Variants in CRACR2A observed in about 807,000 individuals in gnomAD.
CRACR2A encodes the protein calcium release activated channel regulator 2A, also known as EF-hand calcium-binding domain-containing protein 4B.
Under a neutral mutation model 90.5 loss-of-function variants are expected in CRACR2A, and 79 were observed. The ratio of observed to expected loss-of-function variants is 0.87; its 90% CI spans 0.73 to 1.05. The LOEUF (loss-of-function observed/expected upper bound fraction) is 1.05, where lower values mean the gene tolerates loss of function less well. Ranked by LOEUF, CRACR2A falls within the 50% of genes least tolerant of loss-of-function variation. The pLI, the probability that CRACR2A is intolerant of heterozygous loss-of-function variation, is 0.00. For missense variants in CRACR2A, 823 were observed against 897.2 expected (o/e 0.92, Z 1.06); for synonymous variants, 338 against 356.7 (o/e 0.95, Z 0.59).
chr12:3,649,561 T>C (rs933661889), intron 10 of CRACR2A, among the ~76,000 whole-genome samples: 3 of 152,202 alleles, frequency 2.0e-5, no homozygotes, highest in South Asian at 2.1e-4. Flanking sequence ...ATGTATCTAT[T>C]ATAATCATTG....
intron 17 of CRACR2A, among the ~76,000 whole-genome samples, chr12:3,626,018 G>T (rs903201275): frequency 6.6e-6 from 1 of 152,210 alleles, no homozygotes. Flanking sequence ...TTAGTTTGGT[G>T]TACAGGCAAT....
chr12:3,648,636 G>A (rs1944737332), intron 10 of CRACR2A, 23 bp from the exon 11 acceptor site: 2 of 1,602,576 alleles, frequency 1.2e-6, no homozygotes, highest in African/African-American at 1.3e-5. Flanking sequence ...CAAACACATG[G>A]CAGTGAGCTC....
intron 1 of CRACR2A, among the ~76,000 whole-genome samples, chr12:3,750,055 C>T (rs1278042262): frequency 6.6e-6 from 1 of 151,920 alleles, no homozygotes; most frequent in Non-Finnish European, 1.5e-5. Flanking sequence ...TCCTGCTTGG[C>T]CTCCTGAATA....
At chr12:3,652,220 T>G (rs989097638) in intron 10 of CRACR2A, among the ~76,000 whole-genome samples, 3 of 152,208 alleles carry the variant, frequency 2.0e-5, no homozygotes, top group Admixed American at 2.0e-4. Flanking sequence ...TTCCATTTGC[T>G]GTTCTAATGC....
At chr12:3,742,482 C>T (rs1946543416) in intron 1 of CRACR2A, among the ~76,000 whole-genome samples, 1 of 152,138 alleles carries the variant, frequency 6.6e-6, no homozygotes, top group Non-Finnish European at 1.5e-5. Context: ...TATTTGACAA[C>T]ATCCCCGTCT....
At chr12:3,739,027 T>C (rs1946486564) in intron 1 of CRACR2A, among the ~76,000 whole-genome samples, 1 of 137,812 alleles carries the variant, frequency 7.3e-6, no homozygotes, top group Admixed American at 7.6e-5. Flanking sequence ...AATAAAGACA[T>C]TATCTGACAA....
intron 2 of CRACR2A, among the ~76,000 whole-genome samples, chr12:3,721,476 C>A (rs1162928338): frequency 6.6e-6 from 1 of 151,440 alleles, no homozygotes; most frequent in African/African-American, 2.4e-5. Flanking sequence ...TGCCTGTAGT[C>A]CTAGCTACTT....
At chr12:3,706,470 A>T (rs1945923408) in intron 3 of CRACR2A, among the ~76,000 whole-genome samples, 1 of 152,196 alleles carries the variant, frequency 6.6e-6, no homozygotes, top group African/African-American at 2.4e-5. Flanking sequence ...GCTGTGGTGG[A>T]TAAGAACATA....
At chr12:3,665,781 T>C (rs12422895) in intron 7 of CRACR2A, among the ~76,000 whole-genome samples, 25,781 of 152,132 alleles carry the variant, frequency 0.17, 2,636 homozygotes, top group East Asian at 0.41. Flanking sequence ...CGAGGCTCAA[T>C]AGAGAAGACT....
At chr12:3,739,506 C>T (rs16930743) in intron 1 of CRACR2A, among the ~76,000 whole-genome samples, 23,885 of 152,090 alleles carry the variant, frequency 0.16, 2,071 homozygotes, top group African/African-American at 0.2. Context: ...CGAATGACTC[C>T]CTTTGCTTCA....
intron 2 of CRACR2A, among the ~76,000 whole-genome samples, chr12:3,719,340 G>A (rs1487109287): frequency 1.3e-5 from 2 of 152,110 alleles, no homozygotes; most frequent in South Asian, 2.1e-4. Flanking sequence ...CTTGGGCCTC[G>A]GGCTCCTCTT....
chr12:3,640,855 C>T, intron 13 of CRACR2A: 1 of 1,287,388 alleles, frequency 7.8e-7, no homozygotes, highest in Non-Finnish European at 1.0e-6. Flanking sequence ...AATGAGCCAA[C>T]CCTTGGGTAC....
In CRACR2A at chr12:3,633,896, G is replaced by T. The variant is rs1480172452; in HGVS notation, c.1603-160C>A. On this transcript the variant is annotated intron_variant, in intron 14 of 19. Transcript: ENST00000440314. The surrounding 1 kb of genome is among the most constrained non-coding windows in gnomAD (Gnocchi z 4.5). ...GGCTGCCACAGCCTCAGAATGCAGT[G>T]AGCATAGTCGGTCTTGGGGCATGGA... is the stretch of plus-strand genomic sequence containing the variant. Among the ~76,000 whole-genome samples the T allele has an allele frequency of 6.6e-6, 1 of 152,212 alleles. No individual in the cohort carries two copies. Among genetic ancestry groups the T allele is most frequent in the African/African-American group, 2.4e-5 (1 of 41,456 alleles).
At chr12:3,669,039 G>A (rs929978102) in intron 7 of CRACR2A, among the ~76,000 whole-genome samples, 22 of 152,230 alleles carry the variant, frequency 1.4e-4, no homozygotes, top group African/African-American at 5.3e-4. Context: ...GGATTGAGCA[G>A]GAGCCCTCCC....
chr12:3,638,334 G>A lies in CRACR2A; in HGVS notation c.1392C>T (p.Tyr464=). Residue 464 remains tyrosine, a synonymous_variant, in exon 14 of 20, where the codon TAC becomes TAT. Transcript: ENST00000440314. ...AGATGATTCTGCGGAGCGGCCGGGG[G>A]TACGGACCCCCAGGCCCTGGCTCCC... ...GTGEPGPGGP[Y]PRPLRRIISV... 2 of 1,551,254 alleles carry A rather than the reference G, an allele frequency of 1.3e-6. No homozygotes were observed. The highest frequency in any genetic ancestry group is 4.9e-5 in the East Asian group (2 of 40,906).
intron 8 of CRACR2A, among the ~76,000 whole-genome samples, chr12:3,658,710 G>A (rs756233377): frequency 2.0e-5 from 3 of 152,246 alleles, no homozygotes; most frequent in African/African-American, 4.8e-5. Context: ...GAGAATAGCC[G>A]GGCTTAGTGC....
chr12:3,678,218 C>T (rs1021998109), intron 6 of CRACR2A, among the ~76,000 whole-genome samples: 1 of 152,188 alleles, frequency 6.6e-6, no homozygotes, highest in African/African-American at 2.4e-5. Context: ...TTTTACTTTA[C>T]TTCAATGTCA....
At chr12:3,640,812 G>C (rs1179166793) in intron 13 of CRACR2A, 1 of 1,304,632 alleles carries the variant, frequency 7.7e-7, no homozygotes, top group Non-Finnish European at 1.0e-6. Flanking sequence ...AAAATGAAGA[G>C]TGGGCAGGGG....
intron 7 of CRACR2A, among the ~76,000 whole-genome samples, chr12:3,660,048 T>C (rs1043278984): frequency 6.6e-6 from 1 of 152,214 alleles, no homozygotes; most frequent in South Asian, 2.1e-4. Context: ...TCCACGCTCA[T>C]AGACTATATG....
Sources: allele counts gnomAD v4.1 joint callset (sites outside exome capture counted in the v4.1 genomes callset), GRCh38; gene constraint gnomAD v4.1.1; non-coding constraint Gnocchi (gnomAD v3.1); transcripts MANE v1.5; gene names NCBI Gene and HGNC (gene_info 2026-07-23, HGNC 2026-07-21).